CSMD1: variants seen among roughly 807,000 people sequenced by gnomAD.
The protein encoded by CSMD1 is CUB and sushi domain-containing protein 1.
CSMD1 carries 213 observed loss-of-function variants against 417.5 expected under a neutral mutation model. The ratio of observed to expected loss-of-function variants is 0.51; its 90% CI spans 0.46 to 0.57. The LOEUF is 0.57. Among genes scored for constraint, CSMD1 ranks in the 20% least tolerant of loss-of-function variants. CSMD1 has a pLI of 0.00. For synonymous variants in CSMD1, 2,862 were observed against 1,736.8 expected (o/e 1.65, Z -16.11); for missense variants, 6,923 against 4,529.7 (o/e 1.53, Z -15.17).
intron 4 of CSMD1, among the ~76,000 whole-genome samples, chr8:4,028,068 A>G (rs1457978335): frequency 6.6e-6 from 1 of 152,204 alleles, no homozygotes; most frequent in Non-Finnish European, 1.5e-5. Flanking sequence ...TGTTTTGACA[A>G]CATAAAGATG....
Position 3,018,496 on chromosome 8 carries a change from G to A in CSMD1, c.8010C>T (p.Gly2670=), listed in dbSNP as rs756802406. 3.1e-6 allele frequency: 5 copies of A among 1,613,136 alleles called. No individual in the cohort carries two copies. Among genetic ancestry groups the A allele is most frequent in the Non-Finnish European group, 4.2e-6 (5 of 1,179,522 alleles). The change falls in exon 52 of 70, where the codon GGC becomes GGT. Residue 2670 remains glycine, a synonymous_variant. Transcript: ENST00000635120. The stretch of plus-strand genomic sequence containing the variant: ...ATTTACCCAGACATCGAGTTTCGCT[G>A]CCGCTCCAGAGCCCATTTGCCAAGC... ...RECLANGLWS[G]SETRCLAGHC...
rs371336619 is a variant in CSMD1, at chr8:3,188,979, C to G, written c.5431G>C (p.Gly1811Arg). 4.3e-6 allele frequency: 7 copies of G among 1,613,290 alleles called. No homozygotes were observed. Among genetic ancestry groups the G allele is most frequent in the Non-Finnish European group, 5.9e-6 (7 of 1,179,560 alleles). The stretch of plus-strand genomic sequence containing the variant: ...GGGTAGCCGGGGGACAGGATTGTAC[C>G]TCTTCGTTGAGTGAAATTGCCACTG... ...PCSGNFTQRR[G>R]TILSPGYPEP... The change falls in exon 35 of 70, where the codon GGT becomes CGT. Residue 1811 changes from glycine (G) to arginine (R), a missense_variant. By Grantham distance (125) the Gly-to-Arg change is moderately radical (BLOSUM62 -2). Transcript: ENST00000635120.
chr8:4,283,841 T>C (rs1171053233), intron 3 of CSMD1, among the ~76,000 whole-genome samples: 2 of 152,218 alleles, frequency 1.3e-5, no homozygotes, highest in African/African-American at 4.8e-5. Flanking sequence ...CCCAGAAGCA[T>C]GGCTAACAGT....
At chr8:3,331,739 G>C (rs1041927036) in intron 23 of CSMD1, among the ~76,000 whole-genome samples, 1 of 152,154 alleles carries the variant, frequency 6.6e-6, no homozygotes, top group Admixed American at 6.5e-5. Flanking sequence ...GAATGAACTT[G>C]GTATCTGACC....
chr8:3,453,562 G>C (rs142927683), intron 12 of CSMD1, among the ~76,000 whole-genome samples: 1 of 151,982 alleles, frequency 6.6e-6, no homozygotes, highest in East Asian at 1.9e-4. Context: ...CCTTCATTTC[G>C]TTATGTACCA....
chr8:3,029,327 C>A lies in CSMD1; in HGVS notation c.7847G>T (p.Ser2616Ile). The change falls in exon 51 of 70, where the codon AGC becomes ATC. Residue 2616 changes from serine to isoleucine, a missense_variant. By Grantham distance (142) the Ser-to-Ile change is moderately radical. Coordinates refer to ENST00000635120, the MANE Select transcript of CSMD1 (RefSeq NM_033225.6). ...CCTCCCTCATCACTTACCTCGACAG[C>A]TTGGCCTCTCATCTCCTATGTTCCA... is the stretch of plus-strand genomic sequence containing the variant. ...GTWNIGDERP[S>I]CRVISCGSLS... The A allele has an allele frequency of 6.2e-7, 1 of 1,605,684 alleles. No homozygotes were observed. Among genetic ancestry groups the A allele is most frequent in the South Asian group, 1.1e-5 (1 of 90,112 alleles).
intron 3 of CSMD1, among the ~76,000 whole-genome samples, chr8:4,220,073 C>A (rs2407313): frequency 2.6e-5 from 4 of 151,940 alleles, no homozygotes; most frequent in African/African-American, 9.7e-5. Flanking sequence ...CCTCAGCCTC[C>A]CGAGTACCTG....
chr8:4,969,251 G>T (rs1810089759), intron 1 of CSMD1, among the ~76,000 whole-genome samples: 3 of 151,934 alleles, frequency 2.0e-5, no homozygotes, highest in South Asian at 4.1e-4. Context: ...GTAAGTTAAT[G>T]TTCTATAAGA....
chr8:3,310,395 TCCTGC>T (rs1805236267), intron 23 of CSMD1, among the ~76,000 whole-genome samples: 2 of 152,200 alleles, frequency 1.3e-5, no homozygotes, highest in African/African-American at 4.8e-5. Flanking sequence ...TAGAAGGCAG[TCCTGC>T]CCAGCATTGG....
At chr8:3,800,675 T>G (rs1439235197) in intron 5 of CSMD1, among the ~76,000 whole-genome samples, 3 of 152,192 alleles carry the variant, frequency 2.0e-5, no homozygotes, top group African/African-American at 7.2e-5. Context: ...TTGGTGATAT[T>G]CTCGTGGGAG....
intron 3 of CSMD1, among the ~76,000 whole-genome samples, chr8:4,353,416 C>A (rs1801213670): frequency 6.6e-6 from 1 of 152,084 alleles, no homozygotes; most frequent in Non-Finnish European, 1.5e-5. Flanking sequence ...AACCTCTTTC[C>A]TTTATAAATT....
intron 37 of CSMD1, among the ~76,000 whole-genome samples, chr8:3,172,435 T>C (rs537069064): frequency 1.8e-4 from 27 of 152,216 alleles, no homozygotes; most frequent in Non-Finnish European, 3.4e-4. Context: ...CCCCGCCAAT[T>C]TGCTTCAAGG....
chr8:4,848,408 T>C (rs1801269745), intron 1 of CSMD1, among the ~76,000 whole-genome samples: 1 of 152,230 alleles, frequency 6.6e-6, no homozygotes, highest in African/African-American at 2.4e-5. Context: ...TATGAGCTAG[T>C]AATGGCCTAT....
chr8:4,465,437 C>T (rs532694754), intron 2 of CSMD1, among the ~76,000 whole-genome samples: 1 of 152,274 alleles, frequency 6.6e-6, no homozygotes, highest in Admixed American at 6.5e-5. Context: ...TCACCATTGA[C>T]ACCATCCTGC....
At chr8:3,788,619 C>G (rs1799569775) in intron 5 of CSMD1, among the ~76,000 whole-genome samples, 1 of 152,260 alleles carries the variant, frequency 6.6e-6, no homozygotes, top group African/African-American at 2.4e-5. Flanking sequence ...AGATTTAGTT[C>G]ATCTACATTT....
At chr8:4,347,114 A>T (rs1584935271) in intron 3 of CSMD1, among the ~76,000 whole-genome samples, 1 of 152,110 alleles carries the variant, frequency 6.6e-6, no homozygotes, top group East Asian at 1.9e-4. Context: ...CTTTTTCTCC[A>T]AGGCAGGAAA....
chr8:3,982,112 T>A (rs1290935441), intron 5 of CSMD1, among the ~76,000 whole-genome samples: 1 of 150,598 alleles, frequency 6.6e-6, no homozygotes. Context: ...GAGTCGAGAT[T>A]GCACAACTGC....
intron 8 of CSMD1, among the ~76,000 whole-genome samples, chr8:3,610,525 T>G (rs973096766): frequency 6.6e-6 from 1 of 151,752 alleles, no homozygotes; most frequent in African/African-American, 2.4e-5. Context: ...TAAAAATAAA[T>G]AGGTCATATA....
Position 3,214,708 on chromosome 8 carries a change from T to C in CSMD1, c.4673-17A>G, listed in dbSNP as rs374365720. ...GTGGTTTCTCTGTGGAAGAAATGAA[T>C]GTAAACTGCATGAGAGCAGGGATCT... On this transcript the variant is annotated splice_polypyrimidine_tract_variant and intron_variant, in intron 29 of 69. Transcript: ENST00000635120. 107 of 1,540,262 alleles carry C rather than the reference T, an allele frequency of 6.9e-5. No individual in the cohort carries two copies. The African/African-American group carries it at 1.3e-3, about 19-fold the overall frequency.
Sources: allele counts gnomAD v4.1 joint callset (sites outside exome capture counted in the v4.1 genomes callset), GRCh38; gene constraint gnomAD v4.1.1; transcripts MANE v1.5; gene names NCBI Gene and HGNC (gene_info 2026-07-23, HGNC 2026-07-21).